ADAMTS2: variants seen among roughly 807,000 people sequenced by gnomAD.
ADAMTS2 encodes the protein ADAM metallopeptidase with thrombospondin type 1 motif 2.
ADAMTS2 carries 50 observed loss-of-function variants against 123.0 expected under a neutral mutation model. The ratio of observed to expected loss-of-function variants is 0.41; its 90% CI spans 0.32 to 0.51. The LOEUF (loss-of-function observed/expected upper bound fraction) is 0.51, where lower values mean the gene tolerates loss of function less well. Ranked by LOEUF, ADAMTS2 falls within the 20% of genes least tolerant of loss-of-function variation. The pLI, the probability that ADAMTS2 is intolerant of heterozygous loss-of-function variation, is 0.35. For synonymous variants in ADAMTS2, 678 were observed against 695.4 expected, an observed-to-expected ratio of 0.98 and a Z score of 0.39; for missense variants, 1,494 against 1,705.2, an observed-to-expected ratio of 0.88 and a Z score of 2.18.
chr5:179,267,085 C>A (rs1766392444), intron 3 of ADAMTS2, among the ~76,000 whole-genome samples: 1 of 152,200 alleles, frequency 6.6e-6, no homozygotes, highest in South Asian at 2.1e-4. Flanking sequence ...GCTCTGCACA[C>A]CCAGGGGGAA....
intron 5 of ADAMTS2, among the ~76,000 whole-genome samples, chr5:179,173,278 A>C (rs533507757): frequency 6.6e-6 from 1 of 151,912 alleles, no homozygotes; most frequent in East Asian, 1.9e-4. Context: ...GAATTTAAAA[A>C]ATTCAGTAAA....
At chr5:179,159,530 C>T (rs933669315) in intron 5 of ADAMTS2, among the ~76,000 whole-genome samples, 1 of 152,188 alleles carries the variant, frequency 6.6e-6, no homozygotes, top group South Asian at 2.1e-4. Flanking sequence ...AGAACAAGGG[C>T]ATACACAGAT....
At position 179,285,019 on chromosome 5, in the gene ADAMTS2, C is replaced by G. The variant is rs1326767689; in HGVS notation, c.535-11955G>C. 6.6e-6 allele frequency among the ~76,000 whole-genome samples: 1 copy of G among 152,114 alleles called. No homozygotes were observed. Among genetic ancestry groups the G allele is most frequent in the Admixed American group, 6.5e-5 (1 of 15,272 alleles). On this transcript the variant is annotated intron_variant, in intron 2 of 21. Transcript: ENST00000251582. The surrounding 1 kb of genome is among the most constrained non-coding windows in gnomAD (Gnocchi z 4.9). ...CTGCAGGGTTGAATGGAGATAATAACAGGGTTTCCATGGCTGATGTGAGGG... is the reference window on the plus strand; with the variant it reads ...CTGCAGGGTTGAATGGAGATAATAAGAGGGTTTCCATGGCTGATGTGAGGG...
chr5:179,198,847 A>C (rs570371798), intron 4 of ADAMTS2, among the ~76,000 whole-genome samples: 19 of 151,786 alleles, frequency 1.3e-4, no homozygotes, highest in Non-Finnish European at 1.9e-4. Context: ...GAAAAAAAAA[A>C]AAAAACAAAA....
At chr5:179,334,474 T>G (rs1245874329) in intron 2 of ADAMTS2, among the ~76,000 whole-genome samples, 2 of 152,252 alleles carry the variant, frequency 1.3e-5, no homozygotes, top group Non-Finnish European at 2.9e-5. Context: ...AAAACGAGAA[T>G]TCAGAGGATA....
In ADAMTS2 at chr5:179,153,610, G is replaced by A. The variant is rs1467482842; in HGVS notation, c.1396C>T (p.Leu466=). 2.5e-6 allele frequency: 4 copies of A among 1,604,124 alleles called. No individual in the cohort carries two copies. Among genetic ancestry groups the A allele is most frequent in the African/African-American group, 2.7e-5 (2 of 74,938 alleles). The change falls in exon 9 of 22, where the codon CTG becomes TTG. Residue 466 remains leucine, a synonymous_variant. Transcript: ENST00000251582. ...LSRYLHSYDC[L]LDDPFAHDWP... ...TCGTGGGCGAAGGGGTCATCCAGCA[G>A]GCAGTCATAGGAGCTGTGGGGGACA... is the stretch of plus-strand genomic sequence containing the variant.
chr5:179,326,091 C>T (rs533476008), intron 2 of ADAMTS2, among the ~76,000 whole-genome samples: 2 of 152,352 alleles, frequency 1.3e-5, no homozygotes, highest in South Asian at 2.1e-4. Context: ...CTTCTTGGGG[C>T]CTGCCCGCCA....
intron 3 of ADAMTS2, among the ~76,000 whole-genome samples, chr5:179,227,609 C>T (rs540590399): frequency 6.6e-6 from 1 of 152,250 alleles, no homozygotes; most frequent in African/African-American, 2.4e-5. Context: ...CCCCTCAACC[C>T]CAGATGCCCT....
chr5:179,119,630 C>T (rs1005545628), intron 21 of ADAMTS2, among the ~76,000 whole-genome samples: 33 of 152,338 alleles, frequency 2.2e-4, no homozygotes, highest in African/African-American at 7.0e-4. Flanking sequence ...GCCCCTCTCC[C>T]GACCCAGGCT....
chr5:179,217,701 T>G (rs1249368086), intron 3 of ADAMTS2, among the ~76,000 whole-genome samples: 1 of 89,958 alleles, frequency 1.1e-5, no homozygotes, highest in African/African-American at 4.3e-5. Context: ...TTTCCCACTC[T>G]GCTGGACTCT....
At chr5:179,291,891 A>G (rs928320060) in intron 2 of ADAMTS2, among the ~76,000 whole-genome samples, 6 of 151,118 alleles carry the variant, frequency 4.0e-5, no homozygotes, top group Admixed American at 4.0e-4. Flanking sequence ...CGTGTGCCAC[A>G]ACAGCTAGCT....
In ADAMTS2 at chr5:179,303,833, A is replaced by C. The variant is rs1341152716; in HGVS notation, c.535-30769T>G. Among the ~76,000 whole-genome samples the C allele has an allele frequency of 1.3e-5, 2 of 152,208 alleles. No homozygotes were observed. Among genetic ancestry groups the C allele is most frequent in the African/African-American group, 4.8e-5 (2 of 41,446 alleles). On this transcript the variant is annotated intron_variant, in intron 2 of 21. Transcript: ENST00000251582. The surrounding 1 kb of genome is among the most constrained non-coding windows in gnomAD (Gnocchi z 4.7). ...TGTAGTTGCAGGAAGTGTGCAAGAC[A>C]GCAGGGTCAATAAAGCCCCAGCTTT... is the stretch of plus-strand genomic sequence containing the variant.
At chr5:179,160,380 G>A (rs1024697777) in intron 5 of ADAMTS2, among the ~76,000 whole-genome samples, 17 of 152,208 alleles carry the variant, frequency 1.1e-4, no homozygotes, top group Non-Finnish European at 2.4e-4. Flanking sequence ...GAACCCGGGA[G>A]GTGGAGGTTG....
chr5:179,122,804 A>T, intron 19 of ADAMTS2, 31 bp from the exon 20 acceptor site: 1 of 1,551,558 alleles, frequency 6.4e-7, no homozygotes, highest in South Asian at 1.2e-5. Flanking sequence ...GGCAGGGTTC[A>T]CCTCCCACAC....
At chr5:179,178,922 T>C (rs1763988343) in intron 5 of ADAMTS2, among the ~76,000 whole-genome samples, 1 of 152,204 alleles carries the variant, frequency 6.6e-6, no homozygotes, top group Admixed American at 6.5e-5. Flanking sequence ...AGTGCTCTTG[T>C]TTTTATTAGT....
At chr5:179,329,358 G>GAA (rs1757421050) in intron 2 of ADAMTS2, among the ~76,000 whole-genome samples, 1 of 149,410 alleles carries the variant, frequency 6.7e-6, no homozygotes, top group Non-Finnish European at 1.5e-5. Context: ...ACAAAACCCA[G>GAA]AAAGGCCAGA....
intron 4 of ADAMTS2, among the ~76,000 whole-genome samples, chr5:179,205,261 G>A (rs911864890): frequency 1.3e-5 from 2 of 152,176 alleles, no homozygotes; most frequent in Non-Finnish European, 2.9e-5. Context: ...TTTGGTCAGC[G>A]CCCTTGGTGG....
Position 179,345,364 on chromosome 5 carries a change from G to C in ADAMTS2, c.-36C>G. ...CTGCAGCCGGGGCCCCGCACTCGCA[G>C]CCGGCGCGAAAGTTCCCCGCGAGCC... is the stretch of plus-strand genomic sequence containing the variant. On this transcript the variant is annotated 5_prime_UTR_variant, in exon 1 of 22. Coordinates refer to ENST00000251582, the MANE Select transcript of ADAMTS2 (RefSeq NM_014244.5). This position sits in a 1 kb window ranked among gnomAD's most constrained non-coding sequence, Gnocchi z 7.5. 8.9e-7 allele frequency: 1 copy of C among 1,124,056 alleles called. No individual in the cohort carries two copies. The highest frequency in any genetic ancestry group is 1.1e-6 in the Non-Finnish European group (1 of 918,846). 69.6% of individuals were successfully genotyped at this position (1,124,056 alleles called of 1,614,324 possible). A position where few individuals can be genotyped will look rare whatever the true frequency, so the allele number is the denominator to read the frequency against.
intron 3 of ADAMTS2, among the ~76,000 whole-genome samples, chr5:179,244,914 T>C (rs1046016884): frequency 1.3e-5 from 2 of 152,176 alleles, no homozygotes; most frequent in African/African-American, 2.4e-5. Context: ...TATAAAGCAA[T>C]AATTACAACA....
Sources: gnomAD v4.1 joint callset for allele counts (sites outside exome capture counted in the v4.1 genomes callset) on GRCh38, gnomAD v4.1.1 for gene constraint, Gnocchi (gnomAD v3.1) non-coding constraint, MANE v1.5 for transcripts, NCBI Gene and HGNC (gene_info 2026-07-23, HGNC 2026-07-21) for gene names.